Variants in HYCC1 observed in about 807,000 individuals in gnomAD.
The protein encoded by HYCC1 is hyccin PI4KA lipid kinase complex subunit 1, also known as hyccin.
At chr7:22,953,929 A>G in the HYCC1 span, among the ~76,000 whole-genome samples, 1 of 151,756 alleles carries the variant, frequency 6.6e-6, no homozygotes, top group African/African-American at 2.4e-5. Flanking sequence ...AATTTCCTTA[A>G]TAAGTATAGA....
At chr7:22,934,822 C>T in the HYCC1 span, 1 of 152,196 alleles carries the variant, frequency 6.6e-6, no homozygotes, top group Non-Finnish European at 1.5e-5. Context: ...TAGAGTCTTA[C>T]TGCCCAAAGT....
chr7:22,975,186 G>A, the HYCC1 span, among the ~76,000 whole-genome samples: 1 of 142,672 alleles, frequency 7.0e-6, no homozygotes, highest in Non-Finnish European at 1.5e-5. Context: ...ATTATCGAGG[G>A]GAATAATCTG....
the HYCC1 span, among the ~76,000 whole-genome samples, chr7:22,963,719 A>G: frequency 0.043 from 6,541 of 152,308 alleles, 167 homozygotes; most frequent in South Asian, 0.12. Flanking sequence ...ACAAACACGC[A>G]TGACTGTATT....
the HYCC1 span, among the ~76,000 whole-genome samples, chr7:22,971,051 A>G: frequency 5.9e-5 from 9 of 151,984 alleles, no homozygotes; most frequent in South Asian, 4.1e-4. Context: ...CTTAGCATCA[A>G]TGTGTAAGTG....
At chr7:22,974,722 G>T in the HYCC1 span, among the ~76,000 whole-genome samples, 2 of 152,106 alleles carry the variant, frequency 1.3e-5, no homozygotes, top group Admixed American at 1.3e-4. Flanking sequence ...CCCGTCCTCT[G>T]TGATATGGTT....
chr7:22,977,262 T>C, the HYCC1 span: 2 of 900,228 alleles, frequency 2.2e-6, no homozygotes, highest in Non-Finnish European at 1.9e-6. Flanking sequence ...TCAATTTTTT[T>C]CCTAAATAAC....
At chr7:22,998,543 A>C in the HYCC1 span, among the ~76,000 whole-genome samples, 2 of 152,128 alleles carry the variant, frequency 1.3e-5, no homozygotes, top group Admixed American at 6.6e-5. Context: ...CTACAGGCAA[A>C]TTTCAGTCCA....
the HYCC1 span, chr7:22,934,726 CT>C: frequency 6.6e-6 from 1 of 152,182 alleles, no homozygotes; most frequent in African/African-American, 2.4e-5. Flanking sequence ...AATCCTTTGC[CT>C]GTGGAATCAC....
chr7:22,971,386 A>G, the HYCC1 span, among the ~76,000 whole-genome samples: 1 of 150,518 alleles, frequency 6.6e-6, no homozygotes, highest in South Asian at 2.1e-4. Context: ...ACTTGGCTGA[A>G]AAGGGGAAAC....
At chr7:22,922,397 G>C in the HYCC1 span, among the ~76,000 whole-genome samples, 1 of 152,132 alleles carries the variant, frequency 6.6e-6, no homozygotes, top group Non-Finnish European at 1.5e-5. Flanking sequence ...AATACATCCA[G>C]CCTACTATAT....
chr7:22,902,326 T>TTGA, the HYCC1 span, among the ~76,000 whole-genome samples: 1 of 150,870 alleles, frequency 6.6e-6, no homozygotes, highest in Non-Finnish European at 1.5e-5. Context: ...AGAAAACAAT[T>TTGA]TGATAGTTTT....
the HYCC1 span, among the ~76,000 whole-genome samples, chr7:22,991,505 C>T: frequency 2.6e-5 from 4 of 151,868 alleles, no homozygotes; most frequent in East Asian, 1.9e-4. Context: ...TAAGAAGACA[C>T]GCATCCAAAA....
chr7:22,976,824 T>C, the HYCC1 span: 1 of 1,485,042 alleles, frequency 6.7e-7, no homozygotes, highest in Non-Finnish European at 9.4e-7. Context: ...GAAAAGACAT[T>C]TGAATAAAGA....
chr7:22,972,508 T>A, the HYCC1 span, among the ~76,000 whole-genome samples: 1 of 152,176 alleles, frequency 6.6e-6, no homozygotes, highest in Non-Finnish European at 1.5e-5. Context: ...ATATTTATAT[T>A]CCACATCAAA....
the HYCC1 span, among the ~76,000 whole-genome samples, chr7:22,921,741 T>C: frequency 1.1e-4 from 16 of 152,340 alleles, no homozygotes; most frequent in African/African-American, 3.8e-4. Flanking sequence ...TTTAAAATTC[T>C]GTCAGCCTTG....
chr7:22,923,175 C>T, the HYCC1 span, among the ~76,000 whole-genome samples: 1 of 152,100 alleles, frequency 6.6e-6, no homozygotes, highest in African/African-American at 2.4e-5. Context: ...AAACATGTCT[C>T]AATAAACTTA....
the HYCC1 span, among the ~76,000 whole-genome samples, chr7:22,970,341 T>G: frequency 1.3e-5 from 2 of 152,240 alleles, no homozygotes; most frequent in African/African-American, 2.4e-5. Context: ...CTAACTCTAC[T>G]TATCAAATCA....
At chr7:22,930,473 A>C in the HYCC1 span, among the ~76,000 whole-genome samples, 1 of 151,730 alleles carries the variant, frequency 6.6e-6, no homozygotes, top group South Asian at 2.1e-4. Flanking sequence ...ACTAGTAATC[A>C]AAAAAAACTT....
chr7:22,954,891 T>C, the HYCC1 span, among the ~76,000 whole-genome samples: 1 of 151,542 alleles, frequency 6.6e-6, no homozygotes, highest in Non-Finnish European at 1.5e-5. Context: ...GTATCTTGTT[T>C]ATAAACATTC....
Sources: gnomAD v4.1 joint callset for allele counts (sites outside exome capture counted in the v4.1 genomes callset) on GRCh38, gnomAD v4.1.1 for gene constraint, MANE v1.5 for transcripts, NCBI Gene and HGNC (gene_info 2026-07-23, HGNC 2026-07-21) for gene names.